The following PTPRD variants were observed in gnomAD, a reference collection of about 807,000 sequenced individuals.
The protein encoded by PTPRD is receptor-type tyrosine-protein phosphatase delta.
Under a neutral mutation model 214.5 loss-of-function variants are expected in PTPRD, and 34 were observed. That is an observed-to-expected ratio of 0.16 (90% CI 0.12 to 0.21). The LOEUF is 0.21. Among genes scored for constraint, PTPRD ranks in the 10% least tolerant of loss-of-function variants. The probability of loss-of-function intolerance (pLI) is 1.00; values close to 1 mark genes in which losing one functional copy is unlikely to be tolerated. For missense variants in PTPRD, 2,545 were observed against 2,398.7 expected (o/e 1.06, Z -1.27); for synonymous variants, 1,128 against 845.7 (o/e 1.33, Z -5.79).
At chr9:9,959,572 T>C (rs894257949) in intron 4 of PTPRD, among the ~76,000 whole-genome samples, 3 of 152,124 alleles carry the variant, frequency 2.0e-5, no homozygotes, top group Non-Finnish European at 2.9e-5. Context: ...ACGACAAATA[T>C]ATGAAAAACC....
intron 3 of PTPRD, among the ~76,000 whole-genome samples, chr9:10,090,482 A>C (rs539610277): frequency 6.6e-6 from 1 of 151,498 alleles, no homozygotes; most frequent in African/African-American, 2.4e-5. Context: ...GGAAAAATAA[A>C]GCCATTCACC....
At chr9:9,919,197 T>C (rs2081836510) in intron 5 of PTPRD, among the ~76,000 whole-genome samples, 1 of 152,140 alleles carries the variant, frequency 6.6e-6, no homozygotes, top group Non-Finnish European at 1.5e-5. Flanking sequence ...ACTCTACTTT[T>C]CATACTGATT....
intron 14 of PTPRD, among the ~76,000 whole-genome samples, chr9:8,549,951 C>A (rs929342102): frequency 1.3e-5 from 2 of 152,112 alleles, no homozygotes; most frequent in African/African-American, 4.8e-5. Flanking sequence ...TGGCATGAAG[C>A]ATCTGAAAGA....
intron 9 of PTPRD, among the ~76,000 whole-genome samples, chr9:9,283,676 A>C (rs1595129605): frequency 6.6e-6 from 1 of 151,534 alleles, no homozygotes; most frequent in Non-Finnish European, 1.5e-5. Flanking sequence ...TTGAACAAAA[A>C]AAAGTTGACT....
intron 3 of PTPRD, among the ~76,000 whole-genome samples, chr9:10,036,920 T>TGTTGCTCAAG (rs1243328382): frequency 6.9e-6 from 1 of 144,516 alleles, no homozygotes; most frequent in Non-Finnish European, 1.5e-5. Context: ...CACCTCACTC[T>TGTTGCTCAAG]GTTGCTCAAG....
chr9:8,624,307 T>C, intron 14 of PTPRD, among the ~76,000 whole-genome samples: 1 of 151,930 alleles, frequency 6.6e-6, no homozygotes, highest in Non-Finnish European at 1.5e-5. Context: ...GGTAATACTG[T>C]ATGTTTTCAG....
At chr9:8,594,407 G>C (rs1006156140) in intron 14 of PTPRD, among the ~76,000 whole-genome samples, 23 of 152,210 alleles carry the variant, frequency 1.5e-4, no homozygotes, top group African/African-American at 5.5e-4. Flanking sequence ...TAAAATGTTT[G>C]GCACAAACAT....
At chr9:10,220,117 A>G (rs1162401976) in intron 3 of PTPRD, among the ~76,000 whole-genome samples, 2 of 152,042 alleles carry the variant, frequency 1.3e-5, no homozygotes, top group East Asian at 3.9e-4. Context: ...CAATTTACAT[A>G]AAAAGACTAG....
chr9:8,915,544 C>G (rs2098779329), intron 11 of PTPRD, among the ~76,000 whole-genome samples: 1 of 152,114 alleles, frequency 6.6e-6, no homozygotes, highest in African/African-American at 2.4e-5. Flanking sequence ...AGTATACACA[C>G]ACACACATAT....
chr9:9,320,225 G>A (rs1555224624), intron 9 of PTPRD, among the ~76,000 whole-genome samples: 1 of 151,922 alleles, frequency 6.6e-6, no homozygotes, highest in African/African-American at 2.4e-5. Flanking sequence ...TTTTTCCCAT[G>A]TTTTAATAAA....
At chr9:8,699,569 G>C (rs563319029) in intron 12 of PTPRD, among the ~76,000 whole-genome samples, 1 of 152,194 alleles carries the variant, frequency 6.6e-6, no homozygotes, top group Admixed American at 6.5e-5. Flanking sequence ...AAAACATGTT[G>C]AAATTAAAAC....
chr9:10,217,478 C>T (rs1453760660), intron 3 of PTPRD, among the ~76,000 whole-genome samples: 1 of 151,854 alleles, frequency 6.6e-6, no homozygotes, highest in Non-Finnish European at 1.5e-5. Flanking sequence ...TTTCTGTTAA[C>T]CTTTTCTCAG....
chr9:8,606,967 C>A (rs192149794), intron 14 of PTPRD, among the ~76,000 whole-genome samples: 21 of 152,246 alleles, frequency 1.4e-4, no homozygotes, highest in African/African-American at 4.3e-4. Context: ...TTAACTTCAA[C>A]AGAAGCCCAA....
At chr9:9,667,062 G>A (rs1055412882) in intron 7 of PTPRD, among the ~76,000 whole-genome samples, 3 of 152,044 alleles carry the variant, frequency 2.0e-5, no homozygotes, top group African/African-American at 4.8e-5. Context: ...TTGTTAGCCA[G>A]TCTTTAAGGT....
chr9:10,471,979 C>T (rs966905249), intron 2 of PTPRD, among the ~76,000 whole-genome samples: 1 of 151,982 alleles, frequency 6.6e-6, no homozygotes, highest in Admixed American at 6.6e-5. Flanking sequence ...TCAATTTATG[C>T]CTCATGTTTA....
intron 9 of PTPRD, among the ~76,000 whole-genome samples, chr9:9,220,867 T>C (rs947383557): frequency 4.6e-5 from 7 of 152,130 alleles, no homozygotes; most frequent in African/African-American, 1.7e-4. Context: ...CAGCTTTTAC[T>C]GAAGAGGTAC....
intron 3 of PTPRD, among the ~76,000 whole-genome samples, chr9:10,290,802 G>C (rs2095504971): frequency 6.6e-6 from 1 of 151,950 alleles, no homozygotes; most frequent in African/African-American, 2.4e-5. Flanking sequence ...ATTGTTATTT[G>C]GGAGGAATTA....
At chr9:8,468,448 A>C (rs1040713271) in intron 31 of PTPRD, among the ~76,000 whole-genome samples, 14 of 151,962 alleles carry the variant, frequency 9.2e-5, no homozygotes, top group Non-Finnish European at 2.1e-4. Flanking sequence ...TTTGACTATC[A>C]ATGTCTGCTC....
chr9:10,454,929 C>T (rs1380977019), intron 2 of PTPRD, among the ~76,000 whole-genome samples: 1 of 151,598 alleles, frequency 6.6e-6, no homozygotes. Context: ...AAGTTCAAAA[C>T]CTCAGTAACA....
Sources: allele counts gnomAD v4.1 joint callset (sites outside exome capture counted in the v4.1 genomes callset), GRCh38; gene constraint gnomAD v4.1.1; transcripts MANE v1.5; gene names NCBI Gene and HGNC (gene_info 2026-07-23, HGNC 2026-07-21).